DIAPH3: variants seen among roughly 807,000 people sequenced by gnomAD.
The protein encoded by DIAPH3 is diaphanous related formin 3.
DIAPH3 carries 117 observed loss-of-function variants against 144.3 expected under a neutral mutation model. The ratio of observed to expected loss-of-function variants is 0.81; its 90% CI spans 0.70 to 0.95. The LOEUF is 0.95. Ranked by LOEUF, DIAPH3 falls within the 40% of genes least tolerant of loss-of-function variation. DIAPH3 has a pLI of 0.00. For missense variants in DIAPH3, 1,421 were observed against 1,412.7 expected, an observed-to-expected ratio of 1.01 and a Z score of -0.09; for synonymous variants, 519 against 488.9, an observed-to-expected ratio of 1.06 and a Z score of -0.81.
intron 27 of DIAPH3, among the ~76,000 whole-genome samples, chr13:59,703,542 C>G (rs1475587602): frequency 6.6e-6 from 1 of 152,184 alleles, no homozygotes; most frequent in Non-Finnish European, 1.5e-5. Flanking sequence ...TTTTATCCAG[C>G]ACTAAATTCT....
At chr13:59,949,692 A>T (rs1035784116) in intron 17 of DIAPH3, among the ~76,000 whole-genome samples, 1 of 152,184 alleles carries the variant, frequency 6.6e-6, no homozygotes, top group African/African-American at 2.4e-5. Flanking sequence ...AAACAAAAAT[A>T]TTTACTATTC....
chr13:59,766,664 C>A (rs184572545), intron 27 of DIAPH3, among the ~76,000 whole-genome samples: 7 of 152,212 alleles, frequency 4.6e-5, no homozygotes. Flanking sequence ...TACTTCCTTT[C>A]AGAATACAAA....
chr13:59,952,518 G>T (rs1364759412), intron 17 of DIAPH3, among the ~76,000 whole-genome samples: 1 of 152,044 alleles, frequency 6.6e-6, no homozygotes, highest in African/African-American at 2.4e-5. Flanking sequence ...CAACAACACA[G>T]AATTTACCTA....
intron 21 of DIAPH3, among the ~76,000 whole-genome samples, chr13:59,867,598 C>T (rs565800473): frequency 1.3e-5 from 2 of 152,086 alleles, no homozygotes; most frequent in Admixed American, 6.6e-5. Flanking sequence ...CATATCCCCA[C>T]ACACTTTCTC....
chr13:60,079,925 T>G (rs1252037185), intron 4 of DIAPH3, among the ~76,000 whole-genome samples: 1 of 151,942 alleles, frequency 6.6e-6, no homozygotes. Context: ...AGACTTGAAC[T>G]GTTAAGACTT....
intron 24 of DIAPH3, among the ~76,000 whole-genome samples, chr13:59,824,000 A>T (rs1053600470): frequency 3.3e-5 from 5 of 152,160 alleles, no homozygotes; most frequent in Admixed American, 6.6e-5. Flanking sequence ...AATTTTATAA[A>T]CCAAAAATTG....
In DIAPH3 at chr13:59,832,332, A is replaced by G. The variant is rs139871820; in HGVS notation, c.3027+775T>C. On this transcript the variant is annotated intron_variant, in intron 24 of 27. Transcript: ENST00000400324. ...AACCAAGTCCAACAACCTCAGCAAT[A>G]AAGTTTTCCTGAGATTAAAAAGAAC... is the stretch of plus-strand genomic sequence containing the variant. 2.5e-3 allele frequency among the ~76,000 whole-genome samples: 380 copies of G among 152,006 alleles called. 2 individuals carry two copies. The highest frequency in any genetic ancestry group is 8.7e-3 in the African/African-American group (362 of 41,550).
intron 27 of DIAPH3, among the ~76,000 whole-genome samples, chr13:59,765,461 C>A (rs960175839): frequency 6.6e-6 from 1 of 152,192 alleles, no homozygotes; most frequent in African/African-American, 2.4e-5. Context: ...GCCTATGAAA[C>A]ACATAGTGTA....
At chr13:60,047,744 G>A (rs559552929) in intron 4 of DIAPH3, among the ~76,000 whole-genome samples, 8 of 152,108 alleles carry the variant, frequency 5.3e-5, no homozygotes, top group African/African-American at 9.7e-5. Flanking sequence ...GACACAAAGA[G>A]TACTAGCTAT....
chr13:59,812,921 A>G (rs1327165941), intron 24 of DIAPH3, among the ~76,000 whole-genome samples: 1 of 152,186 alleles, frequency 6.6e-6, no homozygotes, highest in Non-Finnish European at 1.5e-5. Context: ...AGATATTTGC[A>G]TAATGAACAG....
At chr13:60,045,407 GA>G (rs2056004642) in intron 4 of DIAPH3, among the ~76,000 whole-genome samples, 1 of 152,056 alleles carries the variant, frequency 6.6e-6, no homozygotes, top group Non-Finnish European at 1.5e-5. Flanking sequence ...AGCAGCGCGA[GA>G]AAAAACTAAT....
intron 2 of DIAPH3, among the ~76,000 whole-genome samples, chr13:60,127,511 A>C (rs757110256): frequency 2.3e-4 from 35 of 152,118 alleles, no homozygotes; most frequent in Non-Finnish European, 3.8e-4. Flanking sequence ...CATATACACA[A>C]AAAAAAACAA....
intron 5 of DIAPH3, among the ~76,000 whole-genome samples, chr13:60,040,023 G>T (rs1226048727): frequency 2.6e-5 from 4 of 151,834 alleles, no homozygotes; most frequent in African/African-American, 9.7e-5. Flanking sequence ...ATCATTAGAG[G>T]TCAGGAATTC....
At chr13:59,856,048 A>G (rs2043235953) in intron 22 of DIAPH3, among the ~76,000 whole-genome samples, 1 of 152,154 alleles carries the variant, frequency 6.6e-6, no homozygotes, top group Non-Finnish European at 1.5e-5. Context: ...GAATATATTT[A>G]TTTAAAATGC....
chr13:60,049,959 G>A (rs1011248464), intron 4 of DIAPH3, among the ~76,000 whole-genome samples: 3 of 152,216 alleles, frequency 2.0e-5, no homozygotes, highest in Non-Finnish European at 2.9e-5. Flanking sequence ...GGAGGCTGGG[G>A]CAGGAAGATT....
chr13:60,123,319 T>C (rs78109526), intron 2 of DIAPH3, among the ~76,000 whole-genome samples: 1,957 of 152,276 alleles, frequency 0.013, 37 homozygotes, highest in African/African-American at 0.045. Flanking sequence ...TTTTTCCATA[T>C]TTGTATTTCT....
intron 27 of DIAPH3, among the ~76,000 whole-genome samples, chr13:59,710,178 T>C (rs993371231): frequency 7.9e-5 from 12 of 151,304 alleles, no homozygotes; most frequent in Non-Finnish European, 1.6e-4. Flanking sequence ...CGCACCAGCA[T>C]GGCACATGTA....
intron 24 of DIAPH3, 58 bp from the exon 25 acceptor site, chr13:59,810,981 A>C: frequency 6.8e-7 from 1 of 1,476,002 alleles, no homozygotes; most frequent in South Asian, 1.2e-5. Flanking sequence ...GCAAAATGGA[A>C]AGTTATCTAT....
At chr13:59,778,052 G>C (rs1301311392) in intron 25 of DIAPH3, among the ~76,000 whole-genome samples, 1 of 152,106 alleles carries the variant, frequency 6.6e-6, no homozygotes, top group African/African-American at 2.4e-5. Flanking sequence ...TTGTTCTTAG[G>C]CAATAAATGC....
Sources: allele counts gnomAD v4.1 joint callset (sites outside exome capture counted in the v4.1 genomes callset), GRCh38; gene constraint gnomAD v4.1.1; transcripts MANE v1.5; gene names NCBI Gene and HGNC (gene_info 2026-07-23, HGNC 2026-07-21).